The following CTBS variants were observed in gnomAD, a reference collection of about 807,000 sequenced individuals.
The protein encoded by CTBS is chitobiase.
A neutral mutation model predicts 44.3 loss-of-function variants in CTBS; 35 were observed. The ratio of observed to expected loss-of-function variants is 0.79; its 90% CI spans 0.60 to 1.05. CTBS has a LOEUF of 1.05. Among genes scored for constraint, CTBS ranks in the 50% least tolerant of loss-of-function variants. The pLI, the probability that CTBS is intolerant of heterozygous loss-of-function variation, is 0.00. For missense variants in CTBS, 458 were observed against 475.3 expected (o/e 0.96, Z 0.34); for synonymous variants, 143 against 168.0 (o/e 0.85, Z 1.15).
At chr1:84,573,908 T>G in intron 1 of CTBS, 1 of 1,190,260 alleles carries the variant, frequency 8.4e-7, no homozygotes, top group South Asian at 2.6e-5. Flanking sequence ...ATAAATGGAT[T>G]ATCCTACCTT....
chr1:84,573,669 CAGA>C (rs1276564525), intron 1 of CTBS, among the ~76,000 whole-genome samples: 2 of 152,154 alleles, frequency 1.3e-5, no homozygotes, highest in Non-Finnish European at 2.9e-5. Context: ...AATATTGCTC[CAGA>C]AGGTGTTTGA....
At chr1:84,560,093 AAAAAAAAG>A (rs1246729082) in intron 6 of CTBS, among the ~76,000 whole-genome samples, 98 of 131,122 alleles carry the variant, frequency 7.5e-4, no homozygotes, top group Admixed American at 1.1e-3. Flanking sequence ...CAAAAAAAAA[AAAAAAAAG>A]AAAGAAAGAA....
Position 84,570,134 on chromosome 1 carries a change from C to A in CTBS, c.322G>T (p.Val108Leu). 6.2e-7 allele frequency: 1 copy of A among 1,608,686 alleles called. No individual in the cohort carries two copies. The highest frequency in any genetic ancestry group is 8.5e-7 in the Non-Finnish European group (1 of 1,177,744). ...KGARVVLKGD[V>L]SLKDIIDPAF... Reference sequence around the variant, plus strand: ...GGATCAATGATATCCTTTAAGGATACATCTCCTGTGGAAGAAGTATATATC... The same window carrying A: ...GGATCAATGATATCCTTTAAGGATAAATCTCCTGTGGAAGAAGTATATATC... Residue 108 changes from valine (V) to leucine (L), a missense_variant, in exon 3 of 7, where the codon GTA becomes TTA. Val to Leu is a conservative substitution (Grantham distance 32). Coordinates refer to ENST00000370630, the MANE Select transcript of CTBS (RefSeq NM_004388.3).
At chr1:84,569,662 T>C (rs1389419104) in intron 3 of CTBS, among the ~76,000 whole-genome samples, 2 of 152,208 alleles carry the variant, frequency 1.3e-5, no homozygotes, top group Non-Finnish European at 2.9e-5. Flanking sequence ...ATTTTTGTTC[T>C]CCCATTGCCT....
At chr1:84,561,273 G>T (rs1684589637) in intron 6 of CTBS, among the ~76,000 whole-genome samples, 1 of 152,214 alleles carries the variant, frequency 6.6e-6, no homozygotes, top group Admixed American at 6.5e-5. Context: ...CAAGACTTCA[G>T]TGAAGGAAGT....
chr1:84,566,076 T>A (rs1684694459), intron 3 of CTBS, 64 bp from the exon 4 acceptor site: 2 of 990,510 alleles, frequency 2.0e-6, no homozygotes, highest in Non-Finnish European at 2.7e-6. Flanking sequence ...GTCAGATTTT[T>A]AAAATTATAT....
chr1:84,560,083 C>CAA (rs751117358), intron 6 of CTBS, among the ~76,000 whole-genome samples: 1 of 61,326 alleles, frequency 1.6e-5, no homozygotes. Context: ...GACTCTGTCT[C>CAA]AAAAAAAAAA....
intron 6 of CTBS, among the ~76,000 whole-genome samples, chr1:84,559,623 G>GT (rs1553224284): frequency 1.3e-5 from 2 of 150,544 alleles, no homozygotes; most frequent in Admixed American, 1.3e-4. Flanking sequence ...CTCCATCTCA[G>GT]AAAAAAAAGA....
Position 84,552,703 on chromosome 1 carries a change from C to T in CTBS, c.*2296G>A. On this transcript the variant is annotated 3_prime_UTR_variant, in exon 7 of 7. Transcript: ENST00000370630. ...GTTTTCTTGTTGTTTTCACTATTTT[C>T]TTTACACATTGAGAACAACAGGTTT... 1 of 179,058 alleles carries T rather than the reference C, an allele frequency of 5.6e-6. No homozygotes were observed. The highest frequency in any genetic ancestry group is 1.2e-5 in the Non-Finnish European group (1 of 85,882). 11.1% of individuals were successfully genotyped at this position (179,058 alleles called of 1,614,324 possible).
chr1:84,550,787 C>G lies in CTBS; in HGVS notation c.*4212G>C. 1 of 1,040,768 alleles carries G rather than the reference C, an allele frequency of 9.6e-7. No individual in the cohort carries two copies. Among genetic ancestry groups the G allele is most frequent in the Non-Finnish European group, 1.2e-6 (1 of 863,268 alleles). The allele number at this position is 1,040,768 out of a possible 1,614,324, so 64.5% of individuals were successfully genotyped here. A position where few individuals can be genotyped will look rare whatever the true frequency, so the allele number is the denominator to read the frequency against. On this transcript the variant is annotated 3_prime_UTR_variant, in exon 7 of 7. Coordinates refer to ENST00000370630, the MANE Select transcript of CTBS (RefSeq NM_004388.3). ...CTAGGAAGAATTAAAGGAAAAGGAA[C>G]CTGTGAGTCAATATATTCTCAAAAA...
chr1:84,557,894 A>C (rs996880928), intron 6 of CTBS, among the ~76,000 whole-genome samples: 1 of 151,912 alleles, frequency 6.6e-6, no homozygotes, highest in African/African-American at 2.4e-5. Context: ...AGTTATAACT[A>C]GATTTTTTTC....
chr1:84,559,783 A>G (rs147855590), intron 6 of CTBS, among the ~76,000 whole-genome samples: 40 of 152,290 alleles, frequency 2.6e-4, no homozygotes, highest in African/African-American at 6.7e-4. Flanking sequence ...CCTGAATTCT[A>G]AGAGCTTAAA....
At chr1:84,570,395 T>A (rs41306619) in intron 2 of CTBS, among the ~76,000 whole-genome samples, 187 bp downstream of exon 2, 1 of 152,348 alleles carries the variant, frequency 6.6e-6, no homozygotes, top group Non-Finnish European at 1.5e-5. Context: ...CTCAAAACCA[T>A]ACAGTGGTTT....
At chr1:84,573,992 G>A in intron 1 of CTBS, 2 of 1,377,628 alleles carry the variant, frequency 1.5e-6, no homozygotes, top group Non-Finnish European at 9.4e-7. Flanking sequence ...TTAGGAGGCA[G>A]ATCTGGTTTG....
rs987027323 is a variant in CTBS at position 84,563,415 on chromosome 1, G to C, written c.799C>G (p.His267Asp). The change falls in exon 6 of 7, where the codon CAT becomes GAT. Residue 267 changes from histidine (H) to aspartate (D), a missense_variant. By Grantham distance (81) the His-to-Asp change is moderately conservative. Coordinates refer to ENST00000370630, the MANE Select transcript of CTBS (RefSeq NM_004388.3). ...GGGACTTTTGCAATGGTACAAACAT[G>C]ATCCTAGAAATGCAAAAGTGCTCAT... ...DYTCLNLSEDHVCTIAKVPFR... is the reference protein window; with the variant it reads ...DYTCLNLSEDDVCTIAKVPFR... 2.7e-5 allele frequency: 41 copies of C among 1,509,046 alleles called. No homozygotes were observed. The highest frequency in any genetic ancestry group is 3.6e-5 in the Non-Finnish European group (41 of 1,132,606). The allele number at this position is 1,509,046 out of a possible 1,614,324, so 93.5% of individuals were successfully genotyped here.
At chr1:84,573,899 T>A in intron 1 of CTBS, 1 of 1,163,302 alleles carries the variant, frequency 8.6e-7, no homozygotes, top group Non-Finnish European at 1.1e-6. Flanking sequence ...CTTGGAAACA[T>A]AAATGGATTA....
Position 84,570,645 on chromosome 1 carries a change from C to T in CTBS, c.253G>A (p.Gly85Arg), listed in dbSNP as rs1299322252. 1 of 1,613,906 alleles carries T rather than the reference C, an allele frequency of 6.2e-7. No individual in the cohort carries two copies. The highest frequency in any genetic ancestry group is 1.3e-5 in the African/African-American group (1 of 75,038). ...WSQITTVATFGKYDSELMCYA... is the reference protein window; with the variant it reads ...WSQITTVATFRKYDSELMCYA... Reference sequence around the variant, plus strand: ...CACATAAGTTCTGAGTCATATTTTCCAAATGTTGCCACAGTTGTAATCTGT... The same window carrying T: ...CACATAAGTTCTGAGTCATATTTTCTAAATGTTGCCACAGTTGTAATCTGT... The change falls in exon 2 of 7, where the codon GGA (glycine) becomes AGA (arginine). Residue 85 changes from glycine (G) to arginine (R), a missense_variant. Coordinates refer to ENST00000370630, the MANE Select transcript of CTBS (RefSeq NM_004388.3).
chr1:84,560,097 A>AAAAAAG (rs1553224318), intron 6 of CTBS, among the ~76,000 whole-genome samples: 1 of 114,714 alleles, frequency 8.7e-6, no homozygotes, highest in African/African-American at 3.3e-5. Context: ...AAAAAAAAAA[A>AAAAAAG]AAAGAAAGAA....
At position 84,550,356 on chromosome 1, in the gene CTBS, A is replaced by G; in HGVS notation, c.*4643T>C. The G allele has an allele frequency of 1.6e-6, 1 of 626,980 alleles. No individual in the cohort carries two copies. The highest frequency in any genetic ancestry group is 2.5e-6 in the Non-Finnish European group (1 of 403,472). 38.8% of individuals were successfully genotyped at this position (626,980 alleles called of 1,614,324 possible). A position where few individuals can be genotyped will look rare whatever the true frequency, so the allele number is the denominator to read the frequency against. On this transcript the variant is annotated 3_prime_UTR_variant, in exon 7 of 7. Transcript: ENST00000370630. ...ACTCTTTTGATCTTTATCATTTCATAGTTTATGTTCACAAGGCAGTTAAAA... is the reference window on the plus strand; with the variant it reads ...ACTCTTTTGATCTTTATCATTTCATGGTTTATGTTCACAAGGCAGTTAAAA...
Sources: allele counts gnomAD v4.1 joint callset (sites outside exome capture counted in the v4.1 genomes callset), GRCh38; gene constraint gnomAD v4.1.1; transcripts MANE v1.5; gene names NCBI Gene and HGNC (gene_info 2026-07-23, HGNC 2026-07-21).